The following ZNF235 variants were observed in gnomAD, a reference collection of about 807,000 sequenced individuals.
ZNF235 encodes zinc finger protein 235.
A neutral mutation model predicts 29.4 loss-of-function variants in ZNF235; 25 were observed. The ratio of observed to expected loss-of-function variants is 0.85; its 90% confidence interval spans 0.62 to 1.19. The LOEUF (loss-of-function observed/expected upper bound fraction) is 1.19, where lower values mean the gene tolerates loss of function less well. Ranked by LOEUF, ZNF235 falls within the 50% of genes most tolerant of loss-of-function variation. ZNF235 has a pLI of 0.00. For synonymous variants in ZNF235, 300 were observed against 295.3 expected, an observed-to-expected ratio of 1.02 and a Z score of -0.16; for missense variants, 788 against 885.0, an observed-to-expected ratio of 0.89 and a Z score of 1.39.
intron 2 of ZNF235, among the ~76,000 whole-genome samples, chr19:44,301,016 A>T (rs1019706824): frequency 2.1e-4 from 31 of 151,062 alleles, no homozygotes; most frequent in Non-Finnish European, 4.4e-4. Flanking sequence ...TTTTTTTTTT[A>T]AATCTTGAGT....
At chr19:44,300,184 C>T (rs898367359) in intron 2 of ZNF235, among the ~76,000 whole-genome samples, 11 of 152,076 alleles carry the variant, frequency 7.2e-5, no homozygotes, top group Non-Finnish European at 1.3e-4. Context: ...GTTCACATTC[C>T]AAGGGTCTAT....
At chr19:44,295,634 A>G (rs1239106457) in intron 4 of ZNF235, among the ~76,000 whole-genome samples, 1 of 152,176 alleles carries the variant, frequency 6.6e-6, no homozygotes, top group Non-Finnish European at 1.5e-5. Flanking sequence ...TGAATAGACA[A>G]AGCAATCCTA....
chr19:44,287,618 T>C lies in ZNF235; in HGVS notation c.1817A>G (p.Lys606Arg). The C allele has an allele frequency of 6.2e-7, 1 of 1,613,972 alleles. No homozygotes were observed. The highest frequency in any genetic ancestry group is 8.5e-7 in the Non-Finnish European group (1 of 1,179,870). ...AAGGTGTGAGGCCTGACTGAATCGC[T>C]TCTGACATGCATCACACTTGAATGG... Reference protein sequence around the residue: ...EKPFKCDACQKRFSQASHLQA... With the variant: ...EKPFKCDACQRRFSQASHLQA... Residue 606 changes from lysine (K) to arginine (R), a missense_variant, in exon 5 of 5, where the codon AAG becomes AGG. Lys to Arg is a conservative substitution (Grantham distance 26, BLOSUM62 2). Coordinates refer to ENST00000291182, the MANE Select transcript of ZNF235 (RefSeq NM_004234.4).
chr19:44,287,143 C>T lies in ZNF235; in HGVS notation c.*75G>A. 2 of 1,437,768 alleles carry T rather than the reference C, an allele frequency of 1.4e-6. No homozygotes were observed. The highest frequency in any genetic ancestry group is 2.3e-5 in the Admixed American group (1 of 42,680). The allele number at this position is 1,437,768 out of a possible 1,614,324, so 89.1% of individuals were successfully genotyped here. ...CTTCTAGTTTTAAAGGAACTTTTCA[C>T]AATCATCAGCATGGACTTCCCAACG... On this transcript the variant is annotated 3_prime_UTR_variant, in exon 5 of 5. Transcript: ENST00000291182.
At chr19:44,296,972 A>G (rs1975662588) in intron 4 of ZNF235, 1 of 152,238 alleles carries the variant, frequency 6.6e-6, no homozygotes, top group African/African-American at 2.4e-5. Flanking sequence ...CACTGCAAAA[A>G]CAGTGCTAAG....
At chr19:44,294,735 C>A (rs1437623717) in intron 4 of ZNF235, among the ~76,000 whole-genome samples, 2 of 151,136 alleles carry the variant, frequency 1.3e-5, no homozygotes, top group African/African-American at 4.9e-5. Context: ...AAAAGATAAG[C>A]CACCATGATC....
intron 4 of ZNF235, among the ~76,000 whole-genome samples, chr19:44,291,095 C>G (rs922483560): frequency 6.6e-6 from 1 of 152,146 alleles, no homozygotes; most frequent in East Asian, 1.9e-4. Flanking sequence ...CCAGTAAGAG[C>G]AGAAAATGTT....
intron 4 of ZNF235, among the ~76,000 whole-genome samples, chr19:44,291,827 G>A (rs1599888045): frequency 1.3e-5 from 2 of 152,138 alleles, no homozygotes; most frequent in Admixed American, 1.3e-4. Context: ...AACATATAAG[G>A]AAGAAACAAT....
At chr19:44,294,722 T>C (rs1182452049) in intron 4 of ZNF235, among the ~76,000 whole-genome samples, 3 of 143,688 alleles carry the variant, frequency 2.1e-5, no homozygotes, top group Admixed American at 6.9e-5. Context: ...TAATAGCACA[T>C]CAAAAAGATA....
chr19:44,288,853 A>G lies in ZNF235; in HGVS notation c.582T>C (p.Tyr194=), dbSNP rs760712349. 1.9e-6 allele frequency: 3 copies of G among 1,613,634 alleles called. No individual in the cohort carries two copies. In the South Asian group the frequency reaches 3.3e-5, roughly 18 times the overall value. Residue 194 remains tyrosine, a synonymous_variant, in exon 5 of 5, where the codon TAT becomes TAC. Coordinates refer to ENST00000291182, the MANE Select transcript of ZNF235 (RefSeq NM_004234.4). The stretch of plus-strand genomic sequence containing the variant: ...TCTGAGTCTGCTTACAACTTCTCTG[A>G]TAATTCTGTGTCTCATTCAGATATA... ...SKIYLNETQN[Y]QRSCKQTQMK... is the part of the protein sequence containing the mutation.
At chr19:44,304,181 A>C (rs1975796707) in intron 1 of ZNF235, among the ~76,000 whole-genome samples, 1 of 152,154 alleles carries the variant, frequency 6.6e-6, no homozygotes, top group African/African-American at 2.4e-5. Flanking sequence ...CTCTTTTTCC[A>C]CATGCATGAA....
At chr19:44,291,593 T>C (rs950003340) in intron 4 of ZNF235, among the ~76,000 whole-genome samples, 1 of 152,172 alleles carries the variant, frequency 6.6e-6, no homozygotes, top group African/African-American at 2.4e-5. Flanking sequence ...CTATAGATCC[T>C]GTATATATTA....
intron 4 of ZNF235, among the ~76,000 whole-genome samples, chr19:44,291,586 T>C (rs1471387234): frequency 6.6e-6 from 1 of 152,150 alleles, no homozygotes; most frequent in Non-Finnish European, 1.5e-5. Flanking sequence ...GACATCACTA[T>C]AGATCCTGTA....
rs1272206263 is a variant in ZNF235, at chr19:44,287,306, G to A, written c.2129C>T (p.Pro710Leu). Reference sequence around the variant, plus strand: ...CTTACAACAGACATCACATATGTAAGGCCTCTCTCCAGTGTGGACTCTCTG... The same window carrying A: ...CTTACAACAGACATCACATATGTAAAGCCTCTCTCCAGTGTGGACTCTCTG... Reference protein sequence around the residue: ...THQRVHTGERPYICDVCCKGF... With the variant: ...THQRVHTGERLYICDVCCKGF... Residue 710 changes from proline to leucine, a missense_variant, in exon 5 of 5, where the codon CCT (proline) becomes CTT (leucine). Transcript: ENST00000291182. 6.2e-7 allele frequency: 1 copy of A among 1,613,788 alleles called. No homozygotes were observed.
At chr19:44,302,524 C>G (rs1975752449) in intron 2 of ZNF235, among the ~76,000 whole-genome samples, 1 of 151,726 alleles carries the variant, frequency 6.6e-6, no homozygotes, top group Non-Finnish European at 1.5e-5. Flanking sequence ...ATCTGTTAGG[C>G]CACGGCAGGA....
At chr19:44,292,660 T>A (rs1975600658) in intron 4 of ZNF235, among the ~76,000 whole-genome samples, 2 of 151,910 alleles carry the variant, frequency 1.3e-5, no homozygotes, top group South Asian at 4.1e-4. Context: ...AGTAAAAAGT[T>A]TGGAAACCTA....
chr19:44,297,866 C>T (rs904233006), intron 4 of ZNF235, among the ~76,000 whole-genome samples: 4 of 152,048 alleles, frequency 2.6e-5, no homozygotes, highest in African/African-American at 9.7e-5. Context: ...ATCTATAATC[C>T]CAGCATTTTG....
At chr19:44,302,429 AT>A (rs754918629) in intron 2 of ZNF235, among the ~76,000 whole-genome samples, 3 of 152,212 alleles carry the variant, frequency 2.0e-5, no homozygotes, top group Admixed American at 6.5e-5. Context: ...ATGATTATAT[AT>A]GTTGAGTGCA....
At chr19:44,303,259 C>A in intron 2 of ZNF235, 131 bp downstream of exon 2, 2 of 725,670 alleles carry the variant, frequency 2.8e-6, no homozygotes. Flanking sequence ...AAATAAAAGG[C>A]AACAACCTGG....
Sources: gnomAD v4.1 joint callset for allele counts (sites outside exome capture counted in the v4.1 genomes callset) on GRCh38, gnomAD v4.1.1 for gene constraint, MANE v1.5 for transcripts, NCBI Gene and HGNC (gene_info 2026-07-23, HGNC 2026-07-21) for gene names.